Variants in CTXN3 observed in about 807,000 individuals in gnomAD.
CTXN3 encodes the protein cortexin 3, also known as cortexin-3.
Under a neutral mutation model 5.0 loss-of-function variants are expected in CTXN3, and 4 were observed. That is an observed-to-expected ratio of 0.79 (90% CI 0.39 to 1.82). The LOEUF is 1.82. CTXN3 is among the 40% of genes most tolerant of loss of function. CTXN3 has a pLI of 0.04. For synonymous variants in CTXN3, 48 were observed against 38.6 expected (o/e 1.24, Z -0.91); for missense variants, 89 against 99.7 (o/e 0.89, Z 0.46).
chr5:127,657,654 A>C lies in CTXN3; in HGVS notation c.133A>C (p.Ile45Leu). ...ILLFIFLGIL[I>L]VRCFRILLDP... ...GTTGTTTATTTTCTTGGGCATTCTCATTGTCCGGTGCTTCCGGATTCTTTT... is the reference window on the plus strand; with the variant it reads ...GTTGTTTATTTTCTTGGGCATTCTCCTTGTCCGGTGCTTCCGGATTCTTTT... The change falls in exon 3 of 3, where the codon ATT (isoleucine) becomes CTT (leucine). Residue 45 changes from isoleucine (I) to leucine (L), a missense_variant. Physicochemically the swap from Ile to Leu is conservative, Grantham distance 5. Transcript: ENST00000379445. The C allele has an allele frequency of 6.2e-7, 1 of 1,614,148 alleles. No individual in the cohort carries two copies. The highest frequency in any genetic ancestry group is 8.5e-7 in the Non-Finnish European group (1 of 1,180,012).
chr5:127,652,577 C>A (rs1441301173), intron 1 of CTXN3, among the ~76,000 whole-genome samples: 1 of 151,966 alleles, frequency 6.6e-6, no homozygotes, highest in Non-Finnish European at 1.5e-5. Flanking sequence ...AAGAAGGCCC[C>A]ACCGAGAAGT....
intron 2 of CTXN3, among the ~76,000 whole-genome samples, chr5:127,656,104 A>G (rs191533399): frequency 7.2e-5 from 11 of 152,294 alleles, no homozygotes; most frequent in Admixed American, 2.0e-4. Flanking sequence ...TTCATTGAGC[A>G]AAATTTATTT....
intron 1 of CTXN3, among the ~76,000 whole-genome samples, chr5:127,649,613 G>A (rs1159331034): frequency 6.6e-6 from 1 of 152,114 alleles, no homozygotes; most frequent in Non-Finnish European, 1.5e-5. Context: ...AGTTTATAAT[G>A]TTATTGATAC....
At chr5:127,650,691 A>G (rs554044827) in intron 1 of CTXN3, among the ~76,000 whole-genome samples, 88 of 152,364 alleles carry the variant, frequency 5.8e-4, no homozygotes, top group African/African-American at 2.0e-3. Flanking sequence ...AATAATACAC[A>G]GAATTTCTAA....
chr5:127,649,271 AC>A lies in CTXN3; in HGVS notation c.-322del, dbSNP rs1469947671. On this transcript the variant is annotated 5_prime_UTR_variant, in exon 1 of 3. Transcript: ENST00000379445. ...GTGTGCCATCAGCTGCCTTGCAGCTACCACTGTCTACTGCTTTCACACAGCG... is the reference window on the plus strand; with the variant it reads ...GTGTGCCATCAGCTGCCTTGCAGCTACACTGTCTACTGCTTTCACACAGCG... 6.6e-6 allele frequency: 1 copy of A among 152,224 alleles called. No homozygotes were observed. The highest frequency in any genetic ancestry group is 6.5e-5 in the Admixed American group (1 of 15,274). The allele number at this position is 152,224 out of a possible 1,614,324, so 9.4% of individuals were successfully genotyped here.
intron 2 of CTXN3, among the ~76,000 whole-genome samples, chr5:127,655,092 C>T (rs1160203229): frequency 1.3e-5 from 2 of 151,650 alleles, no homozygotes; most frequent in Non-Finnish European, 2.9e-5. Context: ...GGAGAAACCC[C>T]GTCTCTACTA....
Position 127,657,896 on chromosome 5 carries a change from T to A in CTXN3, c.*129T>A. 9.1e-7 allele frequency: 1 copy of A among 1,094,074 alleles called. No homozygotes were observed. Among genetic ancestry groups the A allele is most frequent in the Non-Finnish European group, 1.3e-6 (1 of 767,212 alleles). 67.8% of individuals were successfully genotyped at this position (1,094,074 alleles called of 1,614,324 possible). A position where few individuals can be genotyped will look rare whatever the true frequency, so the allele number is the denominator to read the frequency against. ...TGGTCCCAGGACCATAATCCATTAT[T>A]CCATAAATATGCAGTTGGGTTAAAG... On this transcript the variant is annotated 3_prime_UTR_variant, in exon 3 of 3. Transcript: ENST00000379445.
chr5:127,656,314 T>G (rs775424076), intron 2 of CTXN3, among the ~76,000 whole-genome samples: 4 of 152,220 alleles, frequency 2.6e-5, no homozygotes, highest in Admixed American at 6.5e-5. Flanking sequence ...ATGTATATAC[T>G]TGTATATTTA....
rs185483810 is a variant in CTXN3, at chr5:127,658,481, A to G, written c.*714A>G. On this transcript the variant is annotated 3_prime_UTR_variant, in exon 3 of 3. Coordinates refer to ENST00000379445, the MANE Select transcript of CTXN3 (RefSeq NM_001048252.3). ...TACATTACTTGAATTTACACTTTAC[A>G]CAAATGATTTAAAAAATAGGTTGCA... 4 of 167,258 alleles carry G rather than the reference A, an allele frequency of 2.4e-5. No homozygotes were observed. The East Asian group carries it at 7.7e-4, about 32-fold the overall frequency. 10.4% of individuals were successfully genotyped at this position (167,258 alleles called of 1,614,324 possible). A position where few individuals can be genotyped will look rare whatever the true frequency, so the allele number is the denominator to read the frequency against.
intron 1 of CTXN3, chr5:127,652,401 AAG>A (rs1749804014): frequency 6.6e-6 from 1 of 152,210 alleles, no homozygotes; most frequent in Non-Finnish European, 1.5e-5. Flanking sequence ...TATATTTAAA[AAG>A]GCAATGATCC....
chr5:127,649,561 G>T (rs1372260846), intron 1 of CTXN3, among the ~76,000 whole-genome samples, 173 bp downstream of exon 1: 1 of 152,160 alleles, frequency 6.6e-6, no homozygotes, highest in African/African-American at 2.4e-5. Flanking sequence ...AAGAAGCGAG[G>T]GGGTAAAATG....
rs1749737847 is a variant in CTXN3 at position 127,649,334 on chromosome 5, T to C, written c.-261T>C. 6.6e-6 allele frequency: 1 copy of C among 152,190 alleles called. No homozygotes were observed. The highest frequency in any genetic ancestry group is 1.5e-5 in the Non-Finnish European group (1 of 68,042). 9.4% of individuals were successfully genotyped at this position (152,190 alleles called of 1,614,324 possible). A position where few individuals can be genotyped will look rare whatever the true frequency, so the allele number is the denominator to read the frequency against. On this transcript the variant is annotated 5_prime_UTR_variant, in exon 1 of 3. Coordinates refer to ENST00000379445, the MANE Select transcript of CTXN3 (RefSeq NM_001048252.3). Reference sequence around the variant, plus strand: ...AATGGAAACTAAAGAGGCTTGTAACTACCTGTAACTGTTCCACCAGGAAAT... The same window carrying C: ...AATGGAAACTAAAGAGGCTTGTAACCACCTGTAACTGTTCCACCAGGAAAT...
In CTXN3 at chr5:127,658,477, T is replaced by G. The variant is rs1017607361; in HGVS notation, c.*710T>G. ...GCTATACATTACTTGAATTTACACT[T>G]TACACAAATGATTTAAAAAATAGGT... is the stretch of plus-strand genomic sequence containing the variant. On this transcript the variant is annotated 3_prime_UTR_variant, in exon 3 of 3. Coordinates refer to ENST00000379445, the MANE Select transcript of CTXN3 (RefSeq NM_001048252.3). The G allele has an allele frequency of 3.6e-5, 6 of 167,112 alleles. No homozygotes were observed. Among genetic ancestry groups the G allele is most frequent in the Non-Finnish European group, 2.9e-5 (2 of 68,122 alleles). The allele number at this position is 167,112 out of a possible 1,614,324, so 10.4% of individuals were successfully genotyped here. A position where few individuals can be genotyped will look rare whatever the true frequency, so the allele number is the denominator to read the frequency against.
At chr5:127,654,880 G>C (rs1279005025) in intron 2 of CTXN3, among the ~76,000 whole-genome samples, 1 of 152,158 alleles carries the variant, frequency 6.6e-6, no homozygotes, top group African/African-American at 2.4e-5. Flanking sequence ...GGATTTCACA[G>C]ATCCAGAAAT....
chr5:127,650,683 T>C (rs1749767306), intron 1 of CTXN3, among the ~76,000 whole-genome samples: 1 of 152,236 alleles, frequency 6.6e-6, no homozygotes, highest in Admixed American at 6.5e-5. Flanking sequence ...TTCACTAGAA[T>C]AATACACAGA....
At chr5:127,652,404 G>A (rs1351552800) in intron 1 of CTXN3, 1 of 152,106 alleles carries the variant, frequency 6.6e-6, no homozygotes, top group Non-Finnish European at 1.5e-5. Flanking sequence ...ATTTAAAAAG[G>A]CAATGATCCC....
At chr5:127,655,864 CAA>C (rs1234240443) in intron 2 of CTXN3, among the ~76,000 whole-genome samples, 1 of 152,140 alleles carries the variant, frequency 6.6e-6, no homozygotes, top group East Asian at 1.9e-4. Flanking sequence ...GATAGAGCTG[CAA>C]AAATGATGCA....
chr5:127,656,098 T>C (rs907576748), intron 2 of CTXN3, among the ~76,000 whole-genome samples: 1 of 152,216 alleles, frequency 6.6e-6, no homozygotes, highest in African/African-American at 2.4e-5. Context: ...GTTATTTTCA[T>C]TGAGCAAAAT....
At chr5:127,657,383 T>C in intron 2 of CTXN3, 40 bp from the exon 3 acceptor site, 1 of 905,816 alleles carries the variant, frequency 1.1e-6, no homozygotes, top group Non-Finnish European at 1.7e-6. Context: ...ATAAGGCTGC[T>C]ATTTTATAGG....
Sources: gnomAD v4.1 joint callset for allele counts (sites outside exome capture counted in the v4.1 genomes callset) on GRCh38, gnomAD v4.1.1 for gene constraint, MANE v1.5 for transcripts, NCBI Gene and HGNC (gene_info 2026-07-23, HGNC 2026-07-21) for gene names.